Variants in LITAF observed in about 807,000 individuals in gnomAD.
The protein encoded by LITAF is lipopolysaccharide-induced tumor necrosis factor-alpha factor.
A neutral mutation model predicts 14.5 loss-of-function variants in LITAF; 9 were observed. The ratio of observed to expected loss-of-function variants is 0.62; its 90% CI spans 0.37 to 1.08. The LOEUF (loss-of-function observed/expected upper bound fraction) is 1.08. LITAF is among the 50% of genes least tolerant of loss of function. LITAF has a pLI of 0.01. For missense variants in LITAF, 206 were observed against 213.4 expected (o/e 0.97, Z 0.22); for synonymous variants, 98 against 88.2 (o/e 1.11, Z -0.62).
upstream of LITAF, among the ~76,000 whole-genome samples, chr16:11,636,728 T>C (rs972427827): frequency 6.6e-6 from 1 of 152,236 alleles, no homozygotes; most frequent in Admixed American, 6.5e-5. Context: ...TGTGCAATCT[T>C]CCAGCTTGCT....
chr16:11,623,305 G>C (rs2065062674), intron 3 of LITAF, among the ~76,000 whole-genome samples: 1 of 151,928 alleles, frequency 6.6e-6, no homozygotes, highest in Non-Finnish European at 1.5e-5. Flanking sequence ...TGCTCATATA[G>C]TTGGAAAGTC....
At chr16:11,627,227 G>A (rs1392713057) in intron 3 of LITAF, among the ~76,000 whole-genome samples, 2 of 152,194 alleles carry the variant, frequency 1.3e-5, no homozygotes, top group Admixed American at 1.3e-4. Context: ...TCAACCCCAA[G>A]ACCCTTGCTG....
At chr16:11,587,127 C>T (rs2064817019), upstream of LITAF, 1 of 291,412 alleles carries the variant, frequency 3.4e-6, no homozygotes. Context: ...GCTCGCTCGC[C>T]ACCCCAGAGC....
intron 1 of LITAF, among the ~76,000 whole-genome samples, chr16:11,572,617 C>T (rs953747495): frequency 9.9e-5 from 15 of 152,282 alleles, no homozygotes; most frequent in Non-Finnish European, 1.5e-4. Context: ...ATGAGAAAAC[C>T]GGCCACAGGG....
chr16:11,562,128 C>A (rs1160774785), intron 1 of LITAF, among the ~76,000 whole-genome samples: 1 of 151,302 alleles, frequency 6.6e-6, no homozygotes, highest in Non-Finnish European at 1.5e-5. Context: ...GCTAAGCTGC[C>A]CAGGATGGTC....
At chr16:11,606,918 C>T (rs1222720098) in intron 3 of LITAF, among the ~76,000 whole-genome samples, 1 of 152,150 alleles carries the variant, frequency 6.6e-6, no homozygotes, top group Non-Finnish European at 1.5e-5. Context: ...GGATTACAAG[C>T]GTGAGCCACT....
chr16:11,556,274 G>T (rs1567237040), intron 2 of LITAF: 3 of 548,240 alleles, frequency 5.5e-6, no homozygotes, highest in Non-Finnish European at 9.7e-6. Flanking sequence ...TGTGCCAAAA[G>T]ATTCGTATAT....
At chr16:11,588,327 T>C (rs1222293325), upstream of LITAF, among the ~76,000 whole-genome samples, 1 of 151,936 alleles carries the variant, frequency 6.6e-6, no homozygotes, top group South Asian at 2.1e-4. Flanking sequence ...AGACTCCATC[T>C]CTATAAAAAT....
chr16:11,622,418 G>A (rs777663531), intron 3 of LITAF, among the ~76,000 whole-genome samples: 2 of 152,318 alleles, frequency 1.3e-5, no homozygotes, highest in African/African-American at 2.4e-5. Flanking sequence ...AACAAACCCC[G>A]GATGGCTGGA....
rs55659725 is a variant in LITAF, at chr16:11,634,127, T to C, written c.-20-490A>G. On this transcript the variant is annotated intron_variant, in intron 2 of 3. Transcript: ENST00000574848. This position sits in a 1 kb window ranked among gnomAD's most constrained non-coding sequence, Gnocchi z 4.1. ...GAATACACATGTGCAGAGACTCATA[T>C]GGGCACTTATACACACATGCACACA... 0.15 allele frequency among the ~76,000 whole-genome samples: 23,529 copies of C among 152,178 alleles called. 2,462 individuals are homozygous for C. Among genetic ancestry groups the C allele is most frequent in the Non-Finnish European group, 0.24 (15,997 of 67,992 alleles).
At position 11,573,967 on chromosome 16, in the gene LITAF, G is replaced by C. The variant is rs562591647; in HGVS notation, c.-6+12919C>G. Among the ~76,000 whole-genome samples, 25 of 151,802 alleles carry C rather than the reference G, an allele frequency of 1.6e-4. No individual in the cohort carries two copies. The South Asian group carries it at 5.2e-3, about 32-fold the overall frequency. The stretch of plus-strand genomic sequence containing the variant: ...TCCTCCCGCCTCGGGCTCCCAAAGT[G>C]CTGGGATTACAGGCATGAGCCAAGG... On this transcript the variant is annotated intron_variant, in intron 1 of 3. Coordinates refer to ENST00000622633, the MANE Select transcript of LITAF (RefSeq NM_001136472.2).
intron 1 of LITAF, among the ~76,000 whole-genome samples, chr16:11,563,726 G>A (rs1383746926): frequency 6.6e-6 from 1 of 152,142 alleles, no homozygotes; most frequent in Non-Finnish European, 1.5e-5. Context: ...AGGATGGAAA[G>A]TCACAAAGCT....
chr16:11,590,515 T>A (rs1258843566), upstream of LITAF, among the ~76,000 whole-genome samples: 1 of 117,672 alleles, frequency 8.5e-6, no homozygotes, highest in East Asian at 2.9e-4. Flanking sequence ...TACTTTGTGA[T>A]AAAGTATTGA....
rs548860754 is a variant in LITAF, at chr16:11,626,142, G to A, written c.85+7391C>T. ...TATGAATTAGTTCCCCTATGTTTGT[G>A]AGAAAGATCCCACTACTTTACTTTA... On this transcript the variant is annotated intron_variant, in intron 3 of 3. Coordinates refer to the LITAF transcript ENST00000574848. Among the ~76,000 whole-genome samples the A allele has an allele frequency of 1.3e-4, 19 of 151,828 alleles. No individual in the cohort carries two copies. In the East Asian group the frequency reaches 3.7e-3, roughly 29 times the overall value.
intron 3 of LITAF, among the ~76,000 whole-genome samples, chr16:11,618,383 G>A (rs1328737205): frequency 6.6e-6 from 1 of 152,164 alleles, no homozygotes; most frequent in East Asian, 1.9e-4. Context: ...GGGGTAGCCT[G>A]GGGACGCCAT....
chr16:11,587,108 C>T (rs1023861289), upstream of LITAF: 2 of 291,470 alleles, frequency 6.9e-6, no homozygotes, highest in Non-Finnish European at 1.4e-5. Flanking sequence ...AGGCTCCATC[C>T]CACACCCGGC....
upstream of LITAF, among the ~76,000 whole-genome samples, chr16:11,640,181 G>A (rs747339037): frequency 2.3e-4 from 35 of 152,298 alleles, no homozygotes; most frequent in Non-Finnish European, 4.3e-4. Context: ...GGCTGGATCC[G>A]CAGGGCTGAG....
chr16:11,549,658 C>T lies in LITAF; in HGVS notation c.465G>A (p.Leu155=). The change falls in exon 4 of 4, where the codon CTG becomes CTA. Residue 155 remains leucine, a synonymous_variant. Coordinates refer to ENST00000622633, the MANE Select transcript of LITAF (RefSeq NM_001136472.2). The surrounding 1 kb of genome is among the most constrained non-coding windows in gnomAD (Gnocchi z 4.6). ...AGTCCTACAAACGCTTGTAGGTGCC[C>T]AGGAGAGCTCTGCAGTTGGGACAGT... ...DHYCPNCRAL[L]GTYKRL 6.2e-7 allele frequency: 1 copy of T among 1,613,388 alleles called. No individual in the cohort carries two copies. The highest frequency in any genetic ancestry group is 1.1e-5 in the South Asian group (1 of 90,886).
intron 1 of LITAF, among the ~76,000 whole-genome samples, chr16:11,571,319 G>A (rs189821267): frequency 2.0e-5 from 3 of 152,192 alleles, no homozygotes; most frequent in African/African-American, 7.2e-5. Flanking sequence ...CGCCTGCCTC[G>A]GCCTCCCAAA....
Sources: gnomAD v4.1 joint callset for allele counts (sites outside exome capture counted in the v4.1 genomes callset) on GRCh38, gnomAD v4.1.1 for gene constraint, Gnocchi (gnomAD v3.1) non-coding constraint, MANE v1.5 for transcripts, NCBI Gene and HGNC (gene_info 2026-07-23, HGNC 2026-07-21) for gene names.